Variants in MACROD2 observed in about 807,000 individuals in gnomAD.
The protein encoded by MACROD2 is ADP-ribose glycohydrolase MACROD2.
Under a neutral mutation model 70.4 loss-of-function variants are expected in MACROD2, and 36 were observed. That is an observed-to-expected ratio of 0.51 (90% CI 0.39 to 0.68). MACROD2 has a LOEUF of 0.68. MACROD2 is among the 30% of genes least tolerant of loss of function. The pLI is 0.00. For missense variants in MACROD2, 496 were observed against 538.4 expected (o/e 0.92, Z 0.78); for synonymous variants, 172 against 178.8 (o/e 0.96, Z 0.30).
intron 13 of MACROD2, among the ~76,000 whole-genome samples, chr20:15,984,105 A>T (rs928043629): frequency 1.4e-5 from 2 of 138,268 alleles, no homozygotes; most frequent in Non-Finnish European, 3.4e-5. Context: ...ATAAGGTAAG[A>T]TTTTATAGAC....
chr20:15,893,879 A>C (rs1241374408), intron 10 of MACROD2: 1 of 456,834 alleles, frequency 2.2e-6, no homozygotes, highest in South Asian at 1.5e-5. Flanking sequence ...GCAATGGAGC[A>C]GGAGCAGCTG....
At chr20:15,326,524 T>C (rs2077931134) in intron 6 of MACROD2, among the ~76,000 whole-genome samples, 1 of 152,128 alleles carries the variant, frequency 6.6e-6, no homozygotes, top group African/African-American at 2.4e-5. Context: ...CAAGTCCCCA[T>C]ATATTCTTAA....
intron 5 of MACROD2, among the ~76,000 whole-genome samples, chr20:15,053,292 T>C (rs908842320): frequency 6.6e-6 from 1 of 152,208 alleles, no homozygotes; most frequent in Non-Finnish European, 1.5e-5. Flanking sequence ...AGATGCCACT[T>C]GGGATGTTCA....
intron 1 of MACROD2, chr20:13,996,493 C>G (rs2052658610): frequency 6.5e-6 from 1 of 152,832 alleles, no homozygotes; most frequent in Admixed American, 6.5e-5. Flanking sequence ...GTATTCCATC[C>G]CCATTCATGG....
chr20:15,777,550 CTTCCTTCCTTCCTTCCTTCCTTCCTTCT>C lies in MACROD2; in HGVS notation c.646-85170_646-85143del, dbSNP rs1199405538. 1.8e-3 allele frequency among the ~76,000 whole-genome samples: 168 copies of C among 91,720 alleles called. 1 individual carries two copies. Among genetic ancestry groups the C allele is most frequent in the African/African-American group, 5.5e-3 (131 of 23,948 alleles). The allele number at this position is 91,720 out of a possible 152,430, so 60.2% of individuals were successfully genotyped here. A position where few individuals can be genotyped will look rare whatever the true frequency, so the allele number is the denominator to read the frequency against. On this transcript the variant is annotated intron_variant, in intron 8 of 17. Coordinates refer to ENST00000684519, the MANE Select transcript of MACROD2 (RefSeq NM_001351661.2). The stretch of plus-strand genomic sequence containing the variant: ...CCTTCCTTCCTTCCTTCCTTCCTTC[CTTCCTTCCTTCCTTCCTTCCTTCCTTCT>C]TTCCTTCCTTCCTTCCTTCCTTCCC...
intron 5 of MACROD2, among the ~76,000 whole-genome samples, chr20:14,902,708 C>T (rs1170964575): frequency 6.6e-6 from 1 of 151,888 alleles, no homozygotes; most frequent in African/African-American, 2.4e-5. Context: ...GCTGTTGAGG[C>T]CATAGTAGTG....
chr20:14,833,440 T>C (rs1480632055), intron 5 of MACROD2, among the ~76,000 whole-genome samples: 1 of 152,104 alleles, frequency 6.6e-6, no homozygotes, highest in Admixed American at 6.6e-5. Context: ...AGGCACAAAG[T>C]ACCCGTGTGA....
At chr20:15,733,693 G>T (rs2050978124) in intron 8 of MACROD2, among the ~76,000 whole-genome samples, 1 of 152,100 alleles carries the variant, frequency 6.6e-6, no homozygotes, top group Non-Finnish European at 1.5e-5. Flanking sequence ...AGGCAAGTCA[G>T]GTCCAGTCCA....
chr20:14,159,325 A>G (rs183533813), intron 3 of MACROD2, among the ~76,000 whole-genome samples: 32 of 152,342 alleles, frequency 2.1e-4, no homozygotes, highest in African/African-American at 7.2e-4. Context: ...TTTGGGCATT[A>G]TGGTCATTTT....
chr20:16,049,284 C>A (rs2067425772), intron 17 of MACROD2, among the ~76,000 whole-genome samples: 1 of 151,798 alleles, frequency 6.6e-6, no homozygotes, highest in South Asian at 2.1e-4. Flanking sequence ...TTCCTGTAGG[C>A]AGATTATACC....
intron 6 of MACROD2, among the ~76,000 whole-genome samples, chr20:15,277,681 T>A (rs1404153166): frequency 2.0e-5 from 3 of 152,200 alleles, no homozygotes; most frequent in Non-Finnish European, 2.9e-5. Flanking sequence ...GACAATCAGA[T>A]GAGAAGCAGT....
chr20:14,268,537 C>T (rs2082163392), intron 3 of MACROD2, among the ~76,000 whole-genome samples: 1 of 152,016 alleles, frequency 6.6e-6, no homozygotes, highest in South Asian at 2.1e-4. Context: ...GATTTATTTT[C>T]CTTTTTCCAG....
intron 7 of MACROD2, among the ~76,000 whole-genome samples, chr20:15,441,860 T>G (rs1444713680): frequency 1.3e-5 from 2 of 152,168 alleles, no homozygotes; most frequent in Non-Finnish European, 2.9e-5. Flanking sequence ...CAGTAAGCCT[T>G]TTAAGGAAAT....
intron 7 of MACROD2, among the ~76,000 whole-genome samples, chr20:15,483,636 C>T (rs1003289235): frequency 1.3e-5 from 2 of 152,036 alleles, no homozygotes; most frequent in African/African-American, 2.4e-5. Flanking sequence ...TTCTTCTTTC[C>T]AACTGAAAAG....
At chr20:14,840,402 C>T (rs1161716287) in intron 5 of MACROD2, among the ~76,000 whole-genome samples, 1 of 151,708 alleles carries the variant, frequency 6.6e-6, no homozygotes, top group African/African-American at 2.4e-5. Flanking sequence ...TAATTTTCTG[C>T]TGTTCTTTTT....
rs1300484317 is a variant in MACROD2, at chr20:16,043,036, C to T, written c.1232-1535C>T. Among the ~76,000 whole-genome samples the T allele has an allele frequency of 2.6e-5, 4 of 152,042 alleles. No homozygotes were observed. In the East Asian group the frequency reaches 5.8e-4, roughly 22 times the overall value. The stretch of plus-strand genomic sequence containing the variant: ...TAAATGAAAACTGCCCAAATGAGAA[C>T]AAACAGTGGTTACTTATTCAAAGGT... On this transcript the variant is annotated intron_variant, in intron 16 of 17. Coordinates refer to ENST00000684519, the MANE Select transcript of MACROD2 (RefSeq NM_001351661.2).
intron 15 of MACROD2, among the ~76,000 whole-genome samples, chr20:16,017,369 T>G (rs1333354840): frequency 6.6e-6 from 1 of 152,228 alleles, no homozygotes; most frequent in Middle Eastern, 3.2e-3. Context: ...ACTCAGCAGG[T>G]ACACAGTATA....
intron 12 of MACROD2, among the ~76,000 whole-genome samples, chr20:15,950,961 T>C (rs140149360): frequency 6.6e-6 from 1 of 152,270 alleles, no homozygotes; most frequent in Non-Finnish European, 1.5e-5. Flanking sequence ...TTGGTAGAAC[T>C]TTCTAAAAGT....
intron 6 of MACROD2, among the ~76,000 whole-genome samples, chr20:15,262,351 C>T (rs891642837): frequency 3.9e-5 from 6 of 152,000 alleles, no homozygotes; most frequent in African/African-American, 1.4e-4. Context: ...CCTTCAGTTC[C>T]ATCCATGGTG....
Sources: gnomAD v4.1 joint callset for allele counts (sites outside exome capture counted in the v4.1 genomes callset) on GRCh38, gnomAD v4.1.1 for gene constraint, MANE v1.5 for transcripts, NCBI Gene and HGNC (gene_info 2026-07-23, HGNC 2026-07-21) for gene names.